Variants in RBMS3 observed in about 807,000 individuals in gnomAD.
RBMS3 encodes RNA-binding motif, single-stranded-interacting protein 3.
In RBMS3, 27 loss-of-function variants were observed where a neutral mutation model predicts 66.8. The observed-to-expected ratio is 0.40, with a 90% CI of 0.30 to 0.56. The LOEUF is 0.56. Among genes scored for constraint, RBMS3 ranks in the 20% least tolerant of loss-of-function variants. RBMS3 has a pLI of 0.40. For synonymous variants in RBMS3, 188 were observed against 183.0 expected (o/e 1.03, Z -0.22); for missense variants, 513 against 549.5 (o/e 0.93, Z 0.66).
At chr3:29,760,330 C>T (rs2055622969) in intron 5 of RBMS3, among the ~76,000 whole-genome samples, 1 of 151,736 alleles carries the variant, frequency 6.6e-6, no homozygotes, top group South Asian at 2.1e-4. Context: ...ATTTATAATT[C>T]CATGCCATTT....
chr3:29,473,864 G>C (rs993282014), intron 2 of RBMS3, among the ~76,000 whole-genome samples: 2 of 152,234 alleles, frequency 1.3e-5, no homozygotes, highest in Admixed American at 6.5e-5. Flanking sequence ...GCGCAGCCCC[G>C]GTTCCCGCTC....
chr3:29,468,818 G>C lies in RBMS3; in HGVS notation c.249-19623G>C, dbSNP rs143194984. ...CAGACCTAATGTAAATAAGCTACCTGAAATTAACAAAAATCTTATGGAGAC... is the reference window on the plus strand; with the variant it reads ...CAGACCTAATGTAAATAAGCTACCTCAAATTAACAAAAATCTTATGGAGAC... On this transcript the variant is annotated intron_variant, in intron 2 of 14. Coordinates refer to ENST00000383767, the MANE Select transcript of RBMS3 (RefSeq NM_001003793.3). 4.9e-3 allele frequency among the ~76,000 whole-genome samples: 738 copies of C among 152,020 alleles called. 5 individuals are homozygous for C. The highest frequency in any genetic ancestry group is 0.017 in the African/African-American group (710 of 41,480).
At chr3:29,309,898 C>G (rs1481309019) in intron 1 of RBMS3, among the ~76,000 whole-genome samples, 1 of 151,480 alleles carries the variant, frequency 6.6e-6, no homozygotes, top group East Asian at 2.0e-4. Context: ...GTGCAGCCAA[C>G]TTTTTTAAAA....
chr3:29,829,155 C>T (rs1169360636), intron 6 of RBMS3, among the ~76,000 whole-genome samples: 3 of 152,078 alleles, frequency 2.0e-5, no homozygotes, highest in Non-Finnish European at 4.4e-5. Flanking sequence ...AGCGATTCTC[C>T]TGCCTTTGCC....
intron 4 of RBMS3, among the ~76,000 whole-genome samples, chr3:29,660,982 A>T (rs1273001591): frequency 1.3e-5 from 2 of 152,196 alleles, no homozygotes; most frequent in African/African-American, 4.8e-5. Flanking sequence ...CAGTGCACGG[A>T]TACCCAGTAT....
chr3:29,481,569 A>C (rs2043131186), intron 2 of RBMS3, among the ~76,000 whole-genome samples: 1 of 152,164 alleles, frequency 6.6e-6, no homozygotes, highest in Non-Finnish European at 1.5e-5. Flanking sequence ...CCTGGTGGAA[A>C]GATTAGGAGG....
intron 1 of RBMS3, among the ~76,000 whole-genome samples, chr3:29,433,792 C>T (rs2041296654): frequency 6.6e-6 from 1 of 152,190 alleles, no homozygotes; most frequent in Admixed American, 6.5e-5. Flanking sequence ...TAAAAACCCT[C>T]ACATTGTTTA....
chr3:29,739,252 G>C (rs6775769), intron 4 of RBMS3, among the ~76,000 whole-genome samples: 87,350 of 151,378 alleles, frequency 0.58, 26,021 homozygotes, highest in African/African-American at 0.74. Flanking sequence ...AGGAGGAGAT[G>C]GAGACCATCC....
At position 29,341,581 on chromosome 3, in the gene RBMS3, T is replaced by G. The variant is rs146029085; in HGVS notation, c.75+59825T>G. 1.1e-4 allele frequency among the ~76,000 whole-genome samples: 16 copies of G among 152,232 alleles called. No homozygotes were observed. The East Asian group carries it at 3.1e-3, about 29-fold the overall frequency. On this transcript the variant is annotated intron_variant, in intron 1 of 14. Transcript: ENST00000383767. Reference sequence around the variant, plus strand: ...GTTATTAAAGCTCAAGGAGGTAAAGTGAATTGTCTGAGCTTGCTCATTTCT... The same window carrying G: ...GTTATTAAAGCTCAAGGAGGTAAAGGGAATTGTCTGAGCTTGCTCATTTCT...
At chr3:29,487,885 T>C (rs1417923431) in intron 2 of RBMS3, among the ~76,000 whole-genome samples, 1 of 152,204 alleles carries the variant, frequency 6.6e-6, no homozygotes, top group African/African-American at 2.4e-5. Context: ...ATTTGAACCA[T>C]GATAGTTTGG....
chr3:29,456,141 G>A (rs1036940894), intron 2 of RBMS3, among the ~76,000 whole-genome samples: 5 of 152,174 alleles, frequency 3.3e-5, no homozygotes, highest in African/African-American at 1.2e-4. Context: ...TCCAAATTAA[G>A]TGTGTCATGG....
At chr3:29,761,738 G>A (rs960397058) in intron 5 of RBMS3, among the ~76,000 whole-genome samples, 4 of 152,096 alleles carry the variant, frequency 2.6e-5, no homozygotes, top group Admixed American at 1.3e-4. Context: ...AAATTTAGAT[G>A]TAGGAAAGTT....
At chr3:29,531,769 C>G (rs1020143981) in intron 3 of RBMS3, among the ~76,000 whole-genome samples, 1 of 152,144 alleles carries the variant, frequency 6.6e-6, no homozygotes, top group Non-Finnish European at 1.5e-5. Context: ...GCCTCTATCC[C>G]TCTCAGTATT....
chr3:29,811,771 A>G (rs2149459511), intron 6 of RBMS3, among the ~76,000 whole-genome samples: 1 of 152,266 alleles, frequency 6.6e-6, no homozygotes, highest in South Asian at 2.1e-4. Flanking sequence ...GTCCATTAGG[A>G]TAAAGATGAG....
intron 1 of RBMS3, among the ~76,000 whole-genome samples, chr3:29,341,256 A>T (rs1171137337): frequency 6.6e-6 from 1 of 152,134 alleles, no homozygotes; most frequent in Non-Finnish European, 1.5e-5. Flanking sequence ...TGAAATACAG[A>T]AGAATCAAAA....
chr3:29,455,302 A>G (rs1457080652), intron 2 of RBMS3, among the ~76,000 whole-genome samples: 1 of 152,194 alleles, frequency 6.6e-6, no homozygotes, highest in African/African-American at 2.4e-5. Context: ...TGTATACATT[A>G]TGATTTTAGG....
intron 4 of RBMS3, chr3:29,730,867 T>G (rs1432206043): frequency 2.0e-6 from 2 of 983,700 alleles, no homozygotes; most frequent in Non-Finnish European, 2.4e-6. Flanking sequence ...TTGTAAAATG[T>G]TAATTTAGCA....
chr3:29,958,103 A>T (rs1179430639), intron 12 of RBMS3, among the ~76,000 whole-genome samples: 1 of 152,162 alleles, frequency 6.6e-6, no homozygotes, highest in African/African-American at 2.4e-5. Flanking sequence ...GGTTTTCCTT[A>T]GATGTGATTT....
At chr3:29,813,097 A>C (rs767377258) in intron 6 of RBMS3, among the ~76,000 whole-genome samples, 49 of 152,140 alleles carry the variant, frequency 3.2e-4, no homozygotes, top group Non-Finnish European at 6.6e-4. Context: ...TATTAGACAT[A>C]AATGATGTTT....
Sources: gnomAD v4.1 joint callset for allele counts (sites outside exome capture counted in the v4.1 genomes callset) on GRCh38, gnomAD v4.1.1 for gene constraint, MANE v1.5 for transcripts, NCBI Gene and HGNC (gene_info 2026-07-23, HGNC 2026-07-21) for gene names.